YARS1: variants seen among roughly 807,000 people sequenced by gnomAD.
The protein encoded by YARS1 is tyrosyl-tRNA synthetase 1.
In YARS1, 36 loss-of-function variants were observed where a neutral mutation model predicts 62.2. The ratio of observed to expected loss-of-function variants is 0.58; its 90% CI spans 0.44 to 0.76. YARS1 has a LOEUF of 0.76. Among genes scored for constraint, YARS1 ranks in the 30% least tolerant of loss-of-function variants. The probability of loss-of-function intolerance (pLI) is 0.00; values close to 1 mark genes in which losing one functional copy is unlikely to be tolerated. For missense variants in YARS1, 524 were observed against 639.8 expected (o/e 0.82, Z 1.95); for synonymous variants, 234 against 244.9 (o/e 0.96, Z 0.42).
At chr1:32,800,163 G>T (rs1466186481) in intron 4 of YARS1, among the ~76,000 whole-genome samples, 1 of 151,788 alleles carries the variant, frequency 6.6e-6, no homozygotes, top group Non-Finnish European at 1.5e-5. Flanking sequence ...GTATTATTTG[G>T]CAGAGATGGG....
intron 4 of YARS1, 53 bp from the exon 5 acceptor site, chr1:32,797,896 A>T (rs762050372): frequency 2.6e-6 from 4 of 1,521,430 alleles, no homozygotes; most frequent in South Asian, 2.3e-5. Flanking sequence ...TTTGAGACAG[A>T]GTCTCGCTCT....
chr1:32,795,805 CAAAA>C (rs200173836), intron 5 of YARS1, among the ~76,000 whole-genome samples: 1 of 74,428 alleles, frequency 1.3e-5, no homozygotes, highest in Non-Finnish European at 2.8e-5. Flanking sequence ...GACTCCCTCT[CAAAA>C]AAAAAAAAAA....
intron 1 of YARS1, among the ~76,000 whole-genome samples, chr1:32,816,303 G>A (rs1044576024): frequency 3.3e-5 from 5 of 152,060 alleles, no homozygotes; most frequent in Admixed American, 3.3e-4. Context: ...ATTTAAAATT[G>A]AACAGAATAA....
chr1:32,776,156 T>C lies in YARS1; in HGVS notation c.1477-65A>G, dbSNP rs551227015. 1 of 1,360,332 alleles carries C rather than the reference T, an allele frequency of 7.4e-7. No individual in the cohort carries two copies. The highest frequency in any genetic ancestry group is 1.2e-5 in the South Asian group (1 of 81,746). The allele number at this position is 1,360,332 out of a possible 1,614,324, so 84.3% of individuals were successfully genotyped here. On this transcript the variant is annotated intron_variant, in intron 12 of 12. Coordinates refer to ENST00000373477, the MANE Select transcript of YARS1 (RefSeq NM_003680.4). This position sits in a 1 kb window ranked among gnomAD's most constrained non-coding sequence, Gnocchi z 4.0. ...GGGACTGCAAGAAAACCCCCCCTTT[T>C]TTGGAGGGGGGGCAGAGTTTTGCTC...
intron 3 of YARS1, among the ~76,000 whole-genome samples, chr1:32,810,334 G>C (rs905702163): frequency 6.6e-6 from 1 of 152,164 alleles, no homozygotes; most frequent in Non-Finnish European, 1.5e-5. Context: ...TGTGAGTTCT[G>C]CAAGGCCAAG....
In YARS1 at chr1:32,780,070, C is replaced by T. The variant is rs763168140; in HGVS notation, c.1334+15G>A. On this transcript the variant is annotated intron_variant, in intron 11 of 12. Coordinates refer to ENST00000373477, the MANE Select transcript of YARS1 (RefSeq NM_003680.4). ...CCTCCCCAGGTCCTGTGCCCCACTC[C>T]AAGTCCTCACTCACATAGAAGCACA... 1 of 1,614,042 alleles carries T rather than the reference C, an allele frequency of 6.2e-7. No individual in the cohort carries two copies.
chr1:32,804,046 C>T (rs1010450389), intron 4 of YARS1, among the ~76,000 whole-genome samples: 7 of 152,118 alleles, frequency 4.6e-5, no homozygotes, highest in Non-Finnish European at 1.0e-4. Context: ...TCAGAGAGCA[C>T]GGGGTTGGGG....
chr1:32,784,230 G>C (rs1653150292), intron 8 of YARS1, among the ~76,000 whole-genome samples: 1 of 149,494 alleles, frequency 6.7e-6, no homozygotes, highest in Non-Finnish European at 1.5e-5. Flanking sequence ...GCCTAGGCTA[G>C]TCTTCAACTC....
chr1:32,796,963 CTCAA>C (rs1320457196), intron 5 of YARS1, among the ~76,000 whole-genome samples: 3 of 7,584 alleles, frequency 4.0e-4, no homozygotes, highest in Non-Finnish European at 7.0e-4. Context: ...GAAACTCAGT[CTCAA>C]AAAAAAAAAA....
intron 3 of YARS1, among the ~76,000 whole-genome samples, chr1:32,809,648 A>AT (rs1372313760): frequency 2.6e-5 from 4 of 152,222 alleles, no homozygotes; most frequent in African/African-American, 9.6e-5. Flanking sequence ...CTGGGTTCAC[A>AT]TCCTGACTCA....
intron 5 of YARS1, among the ~76,000 whole-genome samples, chr1:32,797,019 T>C (rs868623783): frequency 3.1e-5 from 1 of 31,958 alleles, no homozygotes; most frequent in South Asian, 1.1e-3. Context: ...TATATATATA[T>C]ATATATATAT....
chr1:32,779,788 T>A lies in YARS1; in HGVS notation c.1335-265A>T, dbSNP rs552292123. 3 of 612,134 alleles carry A rather than the reference T, an allele frequency of 4.9e-6. No homozygotes were observed. In the East Asian group the frequency reaches 8.4e-5, roughly 17 times the overall value. The allele number at this position is 612,134 out of a possible 1,614,324, so 37.9% of individuals were successfully genotyped here. A position where few individuals can be genotyped will look rare whatever the true frequency, so the allele number is the denominator to read the frequency against. ...AGTATAAAATAACGTAGCGAGGACT[T>A]TATAGACATCAAAACTGGGATTTGA... On this transcript the variant is annotated intron_variant, in intron 11 of 12. Transcript: ENST00000373477.
intron 5 of YARS1, among the ~76,000 whole-genome samples, chr1:32,793,096 T>C (rs563677207): frequency 1.1e-4 from 16 of 152,102 alleles, no homozygotes; most frequent in East Asian, 5.8e-4. Flanking sequence ...GAAGACACGA[T>C]TGATAAACTT....
At chr1:32,796,614 C>T (rs567513648) in intron 5 of YARS1, among the ~76,000 whole-genome samples, 2 of 151,720 alleles carry the variant, frequency 1.3e-5, no homozygotes, top group South Asian at 4.2e-4. Flanking sequence ...CCTCCTGCCT[C>T]AGCCTCCCAA....
At chr1:32,800,376 A>G (rs1190955663) in intron 4 of YARS1, among the ~76,000 whole-genome samples, 1 of 151,998 alleles carries the variant, frequency 6.6e-6, no homozygotes, top group African/African-American at 2.4e-5. Context: ...GTGTTGGCTT[A>G]CGCCTGCAAT....
At chr1:32,804,786 C>T (rs1006132643) in intron 4 of YARS1, among the ~76,000 whole-genome samples, 8 of 150,756 alleles carry the variant, frequency 5.3e-5, no homozygotes, top group African/African-American at 2.0e-4. Flanking sequence ...ACATCCCAGA[C>T]GATGGGCGGC....
rs1328287896 is a variant in YARS1 at position 32,776,148 on chromosome 1, C to T, written c.1477-57G>A. 1.2e-5 allele frequency: 17 copies of T among 1,466,612 alleles called. No homozygotes were observed. The highest frequency in any genetic ancestry group is 1.6e-5 in the Non-Finnish European group (17 of 1,059,146). The allele number at this position is 1,466,612 out of a possible 1,614,324, so 90.8% of individuals were successfully genotyped here. ...ATGGTGGTGGGACTGCAAGAAAACC[C>T]CCCCTTTTTTGGAGGGGGGGCAGAG... On this transcript the variant is annotated intron_variant, in intron 12 of 12. Coordinates refer to ENST00000373477, the MANE Select transcript of YARS1 (RefSeq NM_003680.4). This position sits in a 1 kb window ranked among gnomAD's most constrained non-coding sequence, Gnocchi z 4.0.
chr1:32,786,486 A>ATG, intron 7 of YARS1, 39 bp from the exon 8 acceptor site: 1 of 1,559,066 alleles, frequency 6.4e-7, no homozygotes, highest in Non-Finnish European at 8.8e-7. Context: ...ACTCATTGAC[A>ATG]GCATTCCTAG....
rs1280335471 is a variant in YARS1, at chr1:32,803,351, C to T, written c.510+3131G>A. On this transcript the variant is annotated intron_variant, in intron 4 of 12. Coordinates refer to ENST00000373477, the MANE Select transcript of YARS1 (RefSeq NM_003680.4). The stretch of plus-strand genomic sequence containing the variant: ...TTCACCATGTTGGTCAGGCTGGTCT[C>T]GAACTCCTGGCCTCAAGTGATTTGC... Among the ~76,000 whole-genome samples, 5 of 148,294 alleles carry T rather than the reference C, an allele frequency of 3.4e-5. No homozygotes were observed. The South Asian group carries it at 8.5e-4, about 25-fold the overall frequency.
Sources: gnomAD v4.1 joint callset for allele counts (sites outside exome capture counted in the v4.1 genomes callset) on GRCh38, gnomAD v4.1.1 for gene constraint, Gnocchi (gnomAD v3.1) non-coding constraint, MANE v1.5 for transcripts, NCBI Gene and HGNC (gene_info 2026-07-23, HGNC 2026-07-21) for gene names.